The following BDH1 variants were observed in gnomAD, a reference collection of about 807,000 sequenced individuals.
BDH1 encodes the protein D-beta-hydroxybutyrate dehydrogenase, mitochondrial.
A neutral mutation model predicts 33.1 loss-of-function variants in BDH1; 30 were observed. The observed-to-expected ratio is 0.91, with a 90% confidence interval of 0.68 to 1.23. The LOEUF is 1.23. BDH1 is among the 50% of genes most tolerant of loss of function. The pLI is 0.00. For synonymous variants in BDH1, 190 were observed against 183.6 expected (o/e 1.03, Z -0.28); for missense variants, 443 against 464.4 (o/e 0.95, Z 0.42).
intron 5 of BDH1, 27 bp downstream of exon 5, chr3:197,532,385 T>C (rs1172585951): frequency 3.2e-6 from 5 of 1,576,464 alleles, no homozygotes; most frequent in African/African-American, 1.3e-5. Flanking sequence ...TAAAAGACAA[T>C]GGTGAAGAAG....
At chr3:197,547,356 C>G (rs1164825898) in intron 2 of BDH1, among the ~76,000 whole-genome samples, 2 of 152,236 alleles carry the variant, frequency 1.3e-5, no homozygotes, top group African/African-American at 2.4e-5. Context: ...GTCTGTCATA[C>G]TGTTCCTGGT....
At chr3:197,539,955 C>A (rs1715460441) in intron 3 of BDH1, among the ~76,000 whole-genome samples, 1 of 152,202 alleles carries the variant, frequency 6.6e-6, no homozygotes, top group Admixed American at 6.5e-5. Context: ...TCTTGATAAA[C>A]CGGTTCTGTC....
At chr3:197,560,314 C>T (rs577197458), upstream of BDH1, among the ~76,000 whole-genome samples, 30 of 152,340 alleles carry the variant, frequency 2.0e-4, no homozygotes, top group Middle Eastern at 6.8e-3. Flanking sequence ...CCGTGGTGTG[C>T]TTATACTGGT....
intron 1 of BDH1, among the ~76,000 whole-genome samples, chr3:197,567,612 C>T (rs2116293): frequency 0.19 from 29,054 of 152,112 alleles, 2,862 homozygotes; most frequent in Admixed American, 0.21. Context: ...ACCTTGGGCA[C>T]ATGTCGTCAG....
chr3:197,522,915 C>A lies in BDH1; in HGVS notation c.268-134G>T. 1 of 1,009,408 alleles carries A rather than the reference C, an allele frequency of 9.9e-7. No homozygotes were observed. The highest frequency in any genetic ancestry group is 1.4e-6 in the Non-Finnish European group (1 of 696,204). 62.5% of individuals were successfully genotyped at this position (1,009,408 alleles called of 1,614,324 possible). On this transcript the variant is annotated intron_variant, in intron 5 of 7. Coordinates refer to ENST00000392379, the MANE Select transcript of BDH1 (RefSeq NM_203314.3). This position sits in a 1 kb window ranked among gnomAD's most constrained non-coding sequence, Gnocchi z 4.8. Reference sequence around the variant, plus strand: ...AGGCATACTGGCAACTGCCCATGGGCCTGGCCCACCAGCATGCGGTTCTTT... The same window carrying A: ...AGGCATACTGGCAACTGCCCATGGGACTGGCCCACCAGCATGCGGTTCTTT...
chr3:197,538,197 G>C, intron 3 of BDH1: 2 of 439,086 alleles, frequency 4.6e-6, no homozygotes, highest in Non-Finnish European at 9.3e-6. Flanking sequence ...TCCCAGAAGC[G>C]GAGGTCCTGT....
At chr3:197,531,187 G>A (rs1714606319) in intron 5 of BDH1, among the ~76,000 whole-genome samples, 1 of 152,070 alleles carries the variant, frequency 6.6e-6, no homozygotes, top group Admixed American at 6.5e-5. Context: ...CCTGAGGACA[G>A]GAGTTTGAGA....
chr3:197,552,359 G>T lies in BDH1; in HGVS notation c.-44+2203C>A, dbSNP rs553352773. Among the ~76,000 whole-genome samples, 3 of 152,290 alleles carry T rather than the reference G, an allele frequency of 2.0e-5. No homozygotes were observed. The East Asian group carries it at 5.8e-4, about 29-fold the overall frequency. Reference sequence around the variant, plus strand: ...CTCCGCTTCCACTGTAGTTCCTCCAGATTCTGGTCAACACAGCCTGCAGGA... The same window carrying T: ...CTCCGCTTCCACTGTAGTTCCTCCATATTCTGGTCAACACAGCCTGCAGGA... On this transcript the variant is annotated intron_variant, in intron 2 of 7. Coordinates refer to ENST00000392379, the MANE Select transcript of BDH1 (RefSeq NM_203314.3).
chr3:197,512,946 C>G (rs900453274), intron 7 of BDH1, among the ~76,000 whole-genome samples: 1 of 152,096 alleles, frequency 6.6e-6, no homozygotes, highest in African/African-American at 2.4e-5. Flanking sequence ...AGCCCCGGGA[C>G]AGCCCTGAAA....
chr3:197,550,962 T>C (rs1716517840), intron 2 of BDH1, among the ~76,000 whole-genome samples: 1 of 152,368 alleles, frequency 6.6e-6, no homozygotes, highest in South Asian at 2.1e-4. Flanking sequence ...TAGTTCTATA[T>C]ATTTACGGGG....
chr3:197,549,512 G>C (rs904779305), intron 2 of BDH1, among the ~76,000 whole-genome samples: 10 of 152,334 alleles, frequency 6.6e-5, no homozygotes, highest in African/African-American at 2.4e-4. Context: ...AACATTCTCA[G>C]CAGAGGCAAG....
At chr3:197,564,059 G>T (rs1347240222) in intron 1 of BDH1, among the ~76,000 whole-genome samples, 1 of 138,972 alleles carries the variant, frequency 7.2e-6, no homozygotes, top group Non-Finnish European at 1.5e-5. Flanking sequence ...CTGAGATCTT[G>T]CCACTGCACT....
chr3:197,544,601 C>G (rs769695611), intron 3 of BDH1, among the ~76,000 whole-genome samples: 7 of 152,192 alleles, frequency 4.6e-5, no homozygotes, highest in Non-Finnish European at 8.8e-5. Flanking sequence ...CGTCCCCGCT[C>G]TGATGGCAGG....
At chr3:197,512,966 A>G (rs1401621488) in intron 7 of BDH1, among the ~76,000 whole-genome samples, 1 of 152,056 alleles carries the variant, frequency 6.6e-6, no homozygotes, top group African/African-American at 2.4e-5. Flanking sequence ...AGAGGACAGG[A>G]CCCGTGCTGT....
intron 1 of BDH1, among the ~76,000 whole-genome samples, chr3:197,569,615 T>A (rs1464006685): frequency 6.6e-6 from 1 of 152,146 alleles, no homozygotes; most frequent in Non-Finnish European, 1.5e-5. Context: ...TACTTCTCTC[T>A]TGGTAGTGAA....
chr3:197,540,652 G>C (rs1009235917), intron 3 of BDH1, among the ~76,000 whole-genome samples: 1 of 152,154 alleles, frequency 6.6e-6, no homozygotes, highest in Non-Finnish European at 1.5e-5. Context: ...CTGGGCGAGA[G>C]TGAGACCTGT....
chr3:197,511,935 T>C lies in BDH1; in HGVS notation c.992A>G (p.His331Arg). Reference sequence around the variant, plus strand: ...CATGTCGGAGATGGCTCCAGGCAAGTGGGTCATGATCTGCATTCGCAGCCA... The same window carrying C: ...CATGTCGGAGATGGCTCCAGGCAAGCGGGTCATGATCTGCATTCGCAGCCA... ...YWWLRMQIMT[H>R]LPGAISDMIY... The change falls in exon 8 of 8, where the codon CAC becomes CGC. Residue 331 changes from histidine to arginine, a missense_variant. Physicochemically the swap from His to Arg is conservative, Grantham distance 29. Coordinates refer to ENST00000392379, the MANE Select transcript of BDH1 (RefSeq NM_203314.3). 6.3e-7 allele frequency: 1 copy of C among 1,578,982 alleles called. No homozygotes were observed. Among genetic ancestry groups the C allele is most frequent in the Non-Finnish European group, 8.6e-7 (1 of 1,159,172 alleles).
In BDH1 at chr3:197,514,963, C is replaced by T. The variant is rs990962681; in HGVS notation, c.410-547G>A. ...GGCTGGATGGGTCAGAGCCTCAGGA[C>T]AGAGCTGGGCCCTGCCTCTTTGTTG... On this transcript the variant is annotated intron_variant, in intron 6 of 7. Coordinates refer to ENST00000392379, the MANE Select transcript of BDH1 (RefSeq NM_203314.3). The surrounding 1 kb of genome is among the most constrained non-coding windows in gnomAD (Gnocchi z 4.2). Among the ~76,000 whole-genome samples, 5 of 152,180 alleles carry T rather than the reference C, an allele frequency of 3.3e-5. No homozygotes were observed. Among genetic ancestry groups the T allele is most frequent in the Non-Finnish European group, 5.9e-5 (4 of 68,036 alleles).
intron 3 of BDH1, among the ~76,000 whole-genome samples, chr3:197,544,684 T>C (rs113467095): frequency 0.024 from 3,665 of 152,302 alleles, 160 homozygotes; most frequent in African/African-American, 0.084. Flanking sequence ...TAAACTCTTC[T>C]CATGTGGGGT....
Sources: allele counts gnomAD v4.1 joint callset (sites outside exome capture counted in the v4.1 genomes callset), GRCh38; gene constraint gnomAD v4.1.1; non-coding constraint Gnocchi (gnomAD v3.1); transcripts MANE v1.5; gene names NCBI Gene and HGNC (gene_info 2026-07-23, HGNC 2026-07-21).